PDZD2: variants seen among roughly 807,000 people sequenced by gnomAD.
The protein encoded by PDZD2 is PDZ domain containing 2.
In PDZD2, 90 loss-of-function variants were observed where a neutral mutation model predicts 220.7. That is an observed-to-expected ratio of 0.41 (90% CI 0.34 to 0.49). PDZD2 has a LOEUF of 0.49. Among genes scored for constraint, PDZD2 ranks in the 20% least tolerant of loss-of-function variants. The probability of loss-of-function intolerance (pLI) is 0.28; values close to 1 mark genes in which losing one functional copy is unlikely to be tolerated. For synonymous variants in PDZD2, 1,375 were observed against 1,450.5 expected (o/e 0.95, Z 1.18); for missense variants, 3,174 against 3,608.5 (o/e 0.88, Z 3.08).
rs149784595 is a variant in PDZD2 at position 31,727,482 on chromosome 5, G to A, written c.-360-71407G>A. Among the ~76,000 whole-genome samples, 1,000 of 152,108 alleles carry A rather than the reference G, an allele frequency of 6.6e-3. 4 individuals are homozygous for A. Among genetic ancestry groups the A allele is most frequent in the African/African-American group, 0.023 (936 of 41,498 alleles). On this transcript the variant is annotated intron_variant, in intron 1 of 24. Transcript: ENST00000438447. ...AGCACTTTGGGAGGCCGAGGCGGGC[G>A]CATCACCTGAGTTGAGACCAGCCAT...
intron 6 of PDZD2, among the ~76,000 whole-genome samples, chr5:32,014,717 T>A (rs938435932): frequency 1.5e-5 from 2 of 133,186 alleles, no homozygotes; most frequent in African/African-American, 6.3e-5. Flanking sequence ...TTTTTTTTTT[T>A]TTTTTTTTTT....
intron 1 of PDZD2, among the ~76,000 whole-genome samples, chr5:31,715,760 CT>C (rs1748408351): frequency 6.6e-6 from 1 of 152,226 alleles, no homozygotes; most frequent in Admixed American, 6.5e-5. Flanking sequence ...GTGCCACATG[CT>C]TTGTGTACCC....
chr5:31,994,217 G>A (rs1751454590), intron 3 of PDZD2, among the ~76,000 whole-genome samples: 1 of 151,864 alleles, frequency 6.6e-6, no homozygotes, highest in Non-Finnish European at 1.5e-5. Context: ...ATGTTGGACA[G>A]GCTGGTCTTG....
At chr5:31,925,761 CAAA>C (rs70957983) in intron 2 of PDZD2, among the ~76,000 whole-genome samples, 1 of 137,616 alleles carries the variant, frequency 7.3e-6, no homozygotes, top group Non-Finnish European at 1.6e-5. Context: ...AGCCAACAAG[CAAA>C]AAAAAAAAAG....
At chr5:32,032,860 C>T (rs188789890) in intron 6 of PDZD2, among the ~76,000 whole-genome samples, 2 of 152,268 alleles carry the variant, frequency 1.3e-5, no homozygotes, top group East Asian at 3.9e-4. Context: ...GGTAGCTGGC[C>T]GGATTCTCAA....
chr5:32,003,063 CAT>C (rs1227063244), intron 5 of PDZD2, among the ~76,000 whole-genome samples: 3 of 122,002 alleles, frequency 2.5e-5, no homozygotes, highest in South Asian at 2.5e-4. Flanking sequence ...ACCACACACA[CAT>C]CACACACCCA....
At chr5:31,901,328 G>C (rs1411316054) in intron 2 of PDZD2, among the ~76,000 whole-genome samples, 1 of 151,356 alleles carries the variant, frequency 6.6e-6, no homozygotes, top group Non-Finnish European at 1.5e-5. Context: ...TGAGGCGCAA[G>C]AATCGCTTAA....
intron 1 of PDZD2, among the ~76,000 whole-genome samples, chr5:31,735,875 G>A (rs1327527269): frequency 6.6e-6 from 1 of 152,182 alleles, no homozygotes; most frequent in East Asian, 1.9e-4. Flanking sequence ...AACCCGGAAG[G>A]CAGAGGTTGC....
At chr5:31,663,134 A>T (rs2150113152) in intron 1 of PDZD2, among the ~76,000 whole-genome samples, 1 of 152,326 alleles carries the variant, frequency 6.6e-6, no homozygotes, top group South Asian at 2.1e-4. Context: ...GAACAAATTG[A>T]TCTAAATTAA....
intron 2 of PDZD2, among the ~76,000 whole-genome samples, chr5:31,970,961 C>G (rs1749244839): frequency 6.7e-6 from 1 of 149,414 alleles, no homozygotes; most frequent in Non-Finnish European, 1.5e-5. Flanking sequence ...ACCACATGAG[C>G]ACCTCAAACT....
chr5:32,043,738 G>A (rs554059092), intron 7 of PDZD2, among the ~76,000 whole-genome samples: 9 of 152,014 alleles, frequency 5.9e-5, no homozygotes, highest in East Asian at 2.0e-4. Context: ...AGTGATTCTC[G>A]CGCCTCAGCC....
intron 2 of PDZD2, among the ~76,000 whole-genome samples, chr5:31,911,888 A>C (rs1743241095): frequency 6.6e-6 from 1 of 152,206 alleles, no homozygotes; most frequent in African/African-American, 2.4e-5. Flanking sequence ...CTCACACTGC[A>C]TCCAGGTTAT....
chr5:31,728,021 A>G (rs868094646), intron 1 of PDZD2, among the ~76,000 whole-genome samples: 3 of 148,412 alleles, frequency 2.0e-5, no homozygotes, highest in African/African-American at 7.4e-5. Flanking sequence ...AAAAAAAAAA[A>G]GATCAGGCAG....
At chr5:32,038,889 C>T (rs1014195079) in intron 7 of PDZD2, among the ~76,000 whole-genome samples, 10 of 152,210 alleles carry the variant, frequency 6.6e-5, no homozygotes, top group Non-Finnish European at 1.2e-4. Context: ...AACACCCTGA[C>T]TTTGAAAGGC....
chr5:31,676,711 C>T (rs1316326768), intron 1 of PDZD2, among the ~76,000 whole-genome samples: 4 of 151,852 alleles, frequency 2.6e-5, no homozygotes, highest in Admixed American at 1.3e-4. Context: ...TCCACCACCA[C>T]GCCCTGCTAA....
chr5:31,938,659 T>C (rs984479375), intron 2 of PDZD2, among the ~76,000 whole-genome samples: 1 of 148,158 alleles, frequency 6.7e-6, no homozygotes, highest in Non-Finnish European at 1.5e-5. Context: ...GTTGCCACTT[T>C]GGAAAAAAAA....
chr5:31,984,256 G>A (rs1050732040), intron 3 of PDZD2, among the ~76,000 whole-genome samples: 2 of 152,238 alleles, frequency 1.3e-5, no homozygotes, highest in Non-Finnish European at 2.9e-5. Flanking sequence ...ATCCAGCTGT[G>A]AGGGTCAAAG....
chr5:31,639,611 G>A lies in PDZD2; in HGVS notation c.-361+174G>A, dbSNP rs915243745. On this transcript the variant is annotated intron_variant, in intron 1 of 24. Coordinates refer to ENST00000438447, the MANE Select transcript of PDZD2 (RefSeq NM_178140.4). The surrounding 1 kb of genome is among the most constrained non-coding windows in gnomAD (Gnocchi z 4.1). ...TGAGGACGCCGAACCGGGGTCCCAC[G>A]TTGGGCGGCGCAAACTCCTCTAGCA... Among the ~76,000 whole-genome samples the A allele has an allele frequency of 6.6e-6, 1 of 152,154 alleles. No individual in the cohort carries two copies. The highest frequency in any genetic ancestry group is 1.5e-5 in the Non-Finnish European group (1 of 68,012).
chr5:31,813,704 T>G (rs1755266540), intron 2 of PDZD2, among the ~76,000 whole-genome samples: 1 of 152,180 alleles, frequency 6.6e-6, no homozygotes, highest in Non-Finnish European at 1.5e-5. Flanking sequence ...ACAATATAGC[T>G]GCAAAATAAA....
Sources: allele counts gnomAD v4.1 joint callset (sites outside exome capture counted in the v4.1 genomes callset), GRCh38; gene constraint gnomAD v4.1.1; non-coding constraint Gnocchi (gnomAD v3.1); transcripts MANE v1.5; gene names NCBI Gene and HGNC (gene_info 2026-07-23, HGNC 2026-07-21).